The following TASOR2 variants were observed in gnomAD, a reference collection of about 807,000 sequenced individuals.
The protein encoded by TASOR2 is transcription activation suppressor family member 2, also known as protein TASOR 2.
TASOR2 carries 84 observed loss-of-function variants against 199.5 expected under a neutral mutation model. The observed-to-expected ratio is 0.42, with a 90% confidence interval of 0.35 to 0.50. TASOR2 has a LOEUF of 0.50. Ranked by LOEUF, TASOR2 falls within the 20% of genes least tolerant of loss-of-function variation. The pLI is 0.02. For synonymous variants in TASOR2, 1,103 were observed against 1,046.6 expected, an observed-to-expected ratio of 1.05 and a Z score of -1.04; for missense variants, 2,796 against 2,835.9, an observed-to-expected ratio of 0.99 and a Z score of 0.32.
At chr10:5,757,542 A>G in exon 17 of TASOR2, 1 of 1,606,016 alleles carries the variant, frequency 6.2e-7, no homozygotes, top group African/African-American at 1.3e-5. Context: ...CTGAAGCTGA[A>G]GCATTTCCCC....
chr10:5,713,216 A>G (rs1832144402), intron 2 of TASOR2, among the ~76,000 whole-genome samples: 1 of 152,122 alleles, frequency 6.6e-6, no homozygotes, highest in Admixed American at 6.5e-5. Context: ...GTGAATGGAT[A>G]TTTTTCCATT....
At chr10:5,749,931 C>T (rs781193692) in exon 15 of TASOR2, 72 of 1,614,034 alleles carry the variant, frequency 4.5e-5, no homozygotes, top group Non-Finnish European at 5.5e-5. Context: ...CCAATTTGCA[C>T]GTCAAACTAA....
chr10:5,747,532 C>G, exon 15 of TASOR2: 2 of 1,614,106 alleles, frequency 1.2e-6, no homozygotes, highest in Non-Finnish European at 1.7e-6. Flanking sequence ...TACTTTAATA[C>G]TTTCTAAAGA....
At position 5,710,721 on chromosome 10, in the gene TASOR2, C is replaced by A. The variant is rs936212165; in HGVS notation, c.-287-2102C>A. Among the ~76,000 whole-genome samples, 1 of 152,182 alleles carries A rather than the reference C, an allele frequency of 6.6e-6. No homozygotes were observed. The highest frequency in any genetic ancestry group is 2.4e-5 in the African/African-American group (1 of 41,554). The stretch of plus-strand genomic sequence containing the variant: ...AAGTTGATAATCACAGTCTTCATTT[C>A]CAGAGTTACTTTTTAAAATATTTCT... On this transcript the variant is annotated intron_variant, in intron 1 of 20. Transcript: ENST00000328090. The surrounding 1 kb of genome is among the most constrained non-coding windows in gnomAD (Gnocchi z 4.6).
At position 5,751,474 on chromosome 10, in the gene TASOR2, G is replaced by C. The variant is rs146703849; in HGVS notation, c.6606+1447G>C. ...ATGGCACATTTTGTTTTACTTAAAGGGTTATCATCTGTTTCTTCATTATTT... is the reference window on the plus strand; with the variant it reads ...ATGGCACATTTTGTTTTACTTAAAGCGTTATCATCTGTTTCTTCATTATTT... On this transcript the variant is annotated intron_variant, in intron 15 of 20. Coordinates refer to ENST00000328090, the Ensembl canonical transcript of TASOR2. This position sits in a 1 kb window ranked among gnomAD's most constrained non-coding sequence, Gnocchi z 5.3. Among the ~76,000 whole-genome samples, 66 of 152,296 alleles carry C rather than the reference G, an allele frequency of 4.3e-4. 1 individual carries two copies. In the East Asian group the frequency reaches 0.012, roughly 28 times the overall value.
In TASOR2 at chr10:5,754,973, G is replaced by C. The variant is rs1838687453; in HGVS notation, c.6607-1640G>C. On this transcript the variant is annotated intron_variant, in intron 15 of 20. Coordinates refer to ENST00000328090, the Ensembl canonical transcript of TASOR2. The surrounding 1 kb of genome is among the most constrained non-coding windows in gnomAD (Gnocchi z 4.3). ...AGGCAGGAGAATGGCGTGAACCCGG[G>C]AGGCAGAGCTTGCAGTGAGCCGAGA... is the stretch of plus-strand genomic sequence containing the variant. Among the ~76,000 whole-genome samples the C allele has an allele frequency of 1.3e-5, 2 of 150,048 alleles. No homozygotes were observed. Among genetic ancestry groups the C allele is most frequent in the African/African-American group, 4.9e-5 (2 of 40,722 alleles).
In TASOR2 at chr10:5,746,874, AC is replaced by A; in HGVS notation, c.3455del (p.Pro1152HisfsTer13). 1 of 1,614,190 alleles carries A rather than the reference AC, an allele frequency of 6.2e-7. No individual in the cohort carries two copies. Among genetic ancestry groups the A allele is most frequent in the Non-Finnish European group, 8.5e-7 (1 of 1,180,020 alleles). On this transcript the variant is annotated frameshift_variant, in exon 15 of 21. Coordinates refer to ENST00000328090, the Ensembl canonical transcript of TASOR2. LOFTEE classifies it high-confidence loss of function. ...AGGAGACGCCCCTTCCAGTCTCTCT[AC>A]CATCTGATAAAACAATGGTCATGGA...
rs1832046996 is a variant in TASOR2 at position 5,712,448 on chromosome 10, T to C, written c.-287-375T>C. On this transcript the variant is annotated intron_variant, in intron 1 of 20. Coordinates refer to ENST00000328090, the Ensembl canonical transcript of TASOR2. Reference sequence around the variant, plus strand: ...TCTCTCTTCCAGAGGGCAGTTTCACTCCTCCATACTTCTTACTTGGACTCT... The same window carrying C: ...TCTCTCTTCCAGAGGGCAGTTTCACCCCTCCATACTTCTTACTTGGACTCT... The C allele has an allele frequency of 4.1e-6, 5 of 1,231,716 alleles. No homozygotes were observed. The East Asian group carries it at 1.6e-4, about 39-fold the overall frequency. The allele number at this position is 1,231,716 out of a possible 1,614,324, so 76.3% of individuals were successfully genotyped here. A position where few individuals can be genotyped will look rare whatever the true frequency, so the allele number is the denominator to read the frequency against.
chr10:5,746,998 C>G (rs1382430581), exon 15 of TASOR2: 29 of 1,614,130 alleles, frequency 1.8e-5, no homozygotes, highest in Non-Finnish European at 2.3e-5. Context: ...TCTCCTCGGC[C>G]TATCTTCAGA....
In TASOR2 at chr10:5,720,417, A is replaced by G; in HGVS notation, c.-99-127A>G. On this transcript the variant is annotated intron_variant, in intron 3 of 20. Transcript: ENST00000328090. This position sits in a 1 kb window ranked among gnomAD's most constrained non-coding sequence, Gnocchi z 5.3. ...AGTCAGGTATAGTTACCTGTGAATGAGTAACACCCAAGATATATTTCTGAC... is the reference window on the plus strand; with the variant it reads ...AGTCAGGTATAGTTACCTGTGAATGGGTAACACCCAAGATATATTTCTGAC... The G allele has an allele frequency of 7.2e-7, 1 of 1,397,446 alleles. No individual in the cohort carries two copies. The highest frequency in any genetic ancestry group is 1.8e-5 in the South Asian group (1 of 56,228). The allele number at this position is 1,397,446 out of a possible 1,614,324, so 86.6% of individuals were successfully genotyped here.
exon 13 of TASOR2, chr10:5,739,666 G>A: frequency 6.2e-7 from 1 of 1,613,896 alleles, no homozygotes; most frequent in Non-Finnish European, 8.5e-7. Flanking sequence ...TCAAGAGGTT[G>A]TCAAGAAGAT....
intron 2 of TASOR2, chr10:5,714,151 A>T: frequency 8.1e-7 from 1 of 1,231,830 alleles, no homozygotes; most frequent in Non-Finnish European, 1.0e-6. Flanking sequence ...TTGGTATGTC[A>T]GTGTGGACTC....
At position 5,710,470 on chromosome 10, in the gene TASOR2, G is replaced by A. The variant is rs997781605; in HGVS notation, c.-287-2353G>A. Among the ~76,000 whole-genome samples the A allele has an allele frequency of 5.9e-5, 9 of 151,942 alleles. No homozygotes were observed. The highest frequency in any genetic ancestry group is 1.9e-4 in the African/African-American group (8 of 41,392). On this transcript the variant is annotated intron_variant, in intron 1 of 20. Coordinates refer to ENST00000328090, the Ensembl canonical transcript of TASOR2. The surrounding 1 kb of genome is among the most constrained non-coding windows in gnomAD (Gnocchi z 4.6). ...ATTTGGTACTTGTTCCTCCTCCTTC[G>A]TTTTAAATCATTGGCTTTATTTATA...
exon 20 of TASOR2, chr10:5,762,599 T>C (rs753537972): frequency 1.3e-6 from 2 of 1,495,212 alleles, no homozygotes; most frequent in Middle Eastern, 1.7e-4. Context: ...TAAATAACTT[T>C]ATAGAAAACA....
At position 5,730,456 on chromosome 10, in the gene TASOR2, C is replaced by T; in HGVS notation, c.488-31C>T. On this transcript the variant is annotated intron_variant, in intron 10 of 20. Transcript: ENST00000328090. This position sits in a 1 kb window ranked among gnomAD's most constrained non-coding sequence, Gnocchi z 4.1. ...TGTTTTGTTTTTAAAAAATAAACTT[C>T]AGATGTTTAATACGTGTGTATATAT... is the stretch of plus-strand genomic sequence containing the variant. 1 of 1,429,496 alleles carries T rather than the reference C, an allele frequency of 7.0e-7. No homozygotes were observed. The highest frequency in any genetic ancestry group is 9.3e-7 in the Non-Finnish European group (1 of 1,069,952). 88.6% of individuals were successfully genotyped at this position (1,429,496 alleles called of 1,614,324 possible).
chr10:5,728,695 C>T (rs1564306813), intron 10 of TASOR2, among the ~76,000 whole-genome samples: 1 of 151,984 alleles, frequency 6.6e-6, no homozygotes, highest in Non-Finnish European at 1.5e-5. Context: ...TTGGAATAAG[C>T]AAAACATTAC....
intron 1 of TASOR2, among the ~76,000 whole-genome samples, chr10:5,703,473 T>TTA (rs1327632765): frequency 6.6e-6 from 1 of 151,506 alleles, no homozygotes; most frequent in Non-Finnish European, 1.5e-5. Context: ...GTTTTATATT[T>TTA]TATATATATT....
Position 5,703,664 on chromosome 10 carries a change from C to T in TASOR2, c.-287-9159C>T, listed in dbSNP as rs570677769. Among the ~76,000 whole-genome samples, 388 of 151,592 alleles carry T rather than the reference C, an allele frequency of 2.6e-3. 1 individual carries two copies. The highest frequency in any genetic ancestry group is 6.3e-3 in the South Asian group (30 of 4,790). Reference sequence around the variant, plus strand: ...GACTACAGGCGCCCGCCACCACGCCCGGCTAATTTTTTGTATTTTTAGTAG... The same window carrying T: ...GACTACAGGCGCCCGCCACCACGCCTGGCTAATTTTTTGTATTTTTAGTAG... On this transcript the variant is annotated intron_variant, in intron 1 of 20. Transcript: ENST00000328090.
intron 2 of TASOR2, 134 bp from the exon 3 acceptor site, chr10:5,714,001 G>A (rs1832266874): frequency 2.4e-6 from 1 of 414,328 alleles, no homozygotes; most frequent in African/African-American, 2.1e-5. Flanking sequence ...AGGAATTTGA[G>A]ATCAGCCTGG....
Sources: allele counts gnomAD v4.1 joint callset (sites outside exome capture counted in the v4.1 genomes callset), GRCh38; gene constraint gnomAD v4.1.1; non-coding constraint Gnocchi (gnomAD v3.1); transcripts MANE v1.5; gene names NCBI Gene and HGNC (gene_info 2026-07-23, HGNC 2026-07-21).